Variants in FMNL2 observed in about 807,000 individuals in gnomAD.
FMNL2 encodes formin-like protein 2.
Under a neutral mutation model 130.2 loss-of-function variants are expected in FMNL2, and 51 were observed. The ratio of observed to expected loss-of-function variants is 0.39; its 90% CI spans 0.31 to 0.49. The LOEUF (loss-of-function observed/expected upper bound fraction) is 0.49. FMNL2 is among the 20% of genes least tolerant of loss of function. The pLI, the probability that FMNL2 is intolerant of heterozygous loss-of-function variation, is 0.85. For synonymous variants in FMNL2, 465 were observed against 467.1 expected (o/e 1.00, Z 0.06); for missense variants, 977 against 1,316.2 (o/e 0.74, Z 3.99).
chr2:152,600,808 T>G (rs901712618), intron 9 of FMNL2, among the ~76,000 whole-genome samples: 1 of 151,774 alleles, frequency 6.6e-6, no homozygotes, highest in Non-Finnish European at 1.5e-5. Flanking sequence ...GTCCTGGGAG[T>G]GGCCCACGTT....
intron 2 of FMNL2, among the ~76,000 whole-genome samples, chr2:152,522,829 A>G (rs1401847774): frequency 1.3e-5 from 2 of 152,198 alleles, no homozygotes; most frequent in African/African-American, 2.4e-5. Flanking sequence ...CAAATATATC[A>G]TTATCTGTTA....
At chr2:152,538,529 C>T (rs1200257364) in intron 2 of FMNL2, among the ~76,000 whole-genome samples, 1 of 152,214 alleles carries the variant, frequency 6.6e-6, no homozygotes, top group Non-Finnish European at 1.5e-5. Flanking sequence ...ATCCACCTGC[C>T]TCAGCCTCCC....
intron 7 of FMNL2, among the ~76,000 whole-genome samples, chr2:152,575,476 G>GTTCTC (rs562524270): frequency 6.9e-4 from 104 of 151,766 alleles, no homozygotes; most frequent in African/African-American, 2.5e-3. Context: ...CTCAGATTTT[G>GTTCTC]TTCTCTTTGG....
At chr2:152,493,705 C>A (rs1036768932) in intron 1 of FMNL2, among the ~76,000 whole-genome samples, 10 of 152,216 alleles carry the variant, frequency 6.6e-5, no homozygotes, top group Non-Finnish European at 1.0e-4. Flanking sequence ...GTTCCTCTTC[C>A]CCTTCTGCCA....
At chr2:152,503,593 G>A (rs1558919457) in intron 1 of FMNL2, among the ~76,000 whole-genome samples, 1 of 152,112 alleles carries the variant, frequency 6.6e-6, no homozygotes, top group African/African-American at 2.4e-5. Flanking sequence ...TATATCACTG[G>A]TCAGTGAGTT....
intron 12 of FMNL2, among the ~76,000 whole-genome samples, chr2:152,615,722 T>C (rs1698911765): frequency 6.6e-6 from 1 of 152,204 alleles, no homozygotes. Flanking sequence ...AACCCAAGCA[T>C]TATGAAGACC....
At chr2:152,461,575 ATTAAT>A (rs1208694965) in intron 1 of FMNL2, among the ~76,000 whole-genome samples, 1 of 152,222 alleles carries the variant, frequency 6.6e-6, no homozygotes, top group Non-Finnish European at 1.5e-5. Context: ...TGAATTAAAA[ATTAAT>A]TTAAATTAAT....
intron 1 of FMNL2, among the ~76,000 whole-genome samples, chr2:152,403,980 A>C (rs1685845774): frequency 6.6e-6 from 1 of 152,212 alleles, no homozygotes; most frequent in Non-Finnish European, 1.5e-5. Context: ...AGGCAGGAGA[A>C]TTGCTTGAAC....
chr2:152,589,981 A>ATATATATATATATGTATATG (rs1553482691), intron 9 of FMNL2, among the ~76,000 whole-genome samples: 12 of 42,454 alleles, frequency 2.8e-4, no homozygotes, highest in African/African-American at 3.3e-4. Flanking sequence ...ATATATATAT[A>ATATATATATATATGTATATG]TATGTATATG....
intron 22 of FMNL2, among the ~76,000 whole-genome samples, chr2:152,637,060 G>A (rs960180058): frequency 1.3e-5 from 2 of 152,208 alleles, no homozygotes; most frequent in African/African-American, 4.8e-5. Context: ...GACTCAGAAA[G>A]CAGATTCAGT....
intron 4 of FMNL2, among the ~76,000 whole-genome samples, chr2:152,552,923 G>A (rs148607790): frequency 1.3e-5 from 2 of 152,302 alleles, no homozygotes; most frequent in East Asian, 3.9e-4. Context: ...TTGTAGTAAA[G>A]CTACCTATAA....
At chr2:152,632,158 C>T (rs768612405) in intron 21 of FMNL2, 21 bp downstream of exon 21, 1 of 1,605,246 alleles carries the variant, frequency 6.2e-7, no homozygotes, top group Non-Finnish European at 8.5e-7. Flanking sequence ...TCAGCTATTA[C>T]CGTTCGTCTT....
rs73968050 is a variant in FMNL2, at chr2:152,510,965, A to G, written c.118-10978A>G. On this transcript the variant is annotated intron_variant, in intron 1 of 25. Coordinates refer to ENST00000288670, the MANE Select transcript of FMNL2 (RefSeq NM_052905.4). ...CTTTACTTCAGAACATGGCTCCTTCATGAGTTGATAGTTTTATTTTTAATT... is the reference window on the plus strand; with the variant it reads ...CTTTACTTCAGAACATGGCTCCTTCGTGAGTTGATAGTTTTATTTTTAATT... 4.5e-3 allele frequency among the ~76,000 whole-genome samples: 689 copies of G among 152,306 alleles called. 5 individuals carry two copies. The highest frequency in any genetic ancestry group is 0.016 in the African/African-American group (660 of 41,564).
At chr2:152,495,935 A>C (rs1274651935) in intron 1 of FMNL2, among the ~76,000 whole-genome samples, 3 of 152,116 alleles carry the variant, frequency 2.0e-5, no homozygotes, top group Non-Finnish European at 4.4e-5. Context: ...CCCAGCATTA[A>C]GCTTGTGTAT....
rs1055549314 is a variant in FMNL2, at chr2:152,626,839, G to T, written c.2165+112G>T. On this transcript the variant is annotated intron_variant, in intron 17 of 25. Transcript: ENST00000288670. ...TAGTGAGACAAGACCTAAGATAAAA[G>T]CTGGAGCAATTTTTGATATCCACAC... 1.1e-4 allele frequency: 134 copies of T among 1,182,536 alleles called. 2 individuals are homozygous for T. The Middle Eastern group carries it at 1.4e-3, about 13-fold the overall frequency. The allele number at this position is 1,182,536 out of a possible 1,614,324, so 73.3% of individuals were successfully genotyped here. A position where few individuals can be genotyped will look rare whatever the true frequency, so the allele number is the denominator to read the frequency against.
intron 2 of FMNL2, among the ~76,000 whole-genome samples, chr2:152,542,346 A>G (rs1694356492): frequency 6.6e-6 from 1 of 152,252 alleles, no homozygotes; most frequent in Admixed American, 6.5e-5. Context: ...AAGATATTCA[A>G]AAGAATATGC....
chr2:152,472,123 T>C (rs1176825703), intron 1 of FMNL2, among the ~76,000 whole-genome samples: 1 of 152,216 alleles, frequency 6.6e-6, no homozygotes, highest in Non-Finnish European at 1.5e-5. Context: ...TTTCATTGCT[T>C]CGATTAATAT....
intron 1 of FMNL2, among the ~76,000 whole-genome samples, chr2:152,489,781 AG>A (rs1691039542): frequency 6.6e-6 from 1 of 152,202 alleles, no homozygotes; most frequent in Non-Finnish European, 1.5e-5. Flanking sequence ...AACAAGTCTA[AG>A]AAAAATTCAT....
intron 2 of FMNL2, among the ~76,000 whole-genome samples, chr2:152,535,294 T>A (rs1222669507): frequency 6.6e-6 from 1 of 152,186 alleles, no homozygotes; most frequent in African/African-American, 2.4e-5. Flanking sequence ...GGAAAACTCC[T>A]CTGTCTCCTG....
Sources: allele counts gnomAD v4.1 joint callset (sites outside exome capture counted in the v4.1 genomes callset), GRCh38; gene constraint gnomAD v4.1.1; transcripts MANE v1.5; gene names NCBI Gene and HGNC (gene_info 2026-07-23, HGNC 2026-07-21).